The following ST6GALNAC1 variants were observed in gnomAD, a reference collection of about 807,000 sequenced individuals.
ST6GALNAC1 encodes ST6 N-acetylgalactosaminide alpha-2,6-sialyltransferase 1, also known as alpha-N-acetylgalactosaminide alpha-2,6-sialyltransferase 1.
A neutral mutation model predicts 56.8 loss-of-function variants in ST6GALNAC1; 45 were observed. That is an observed-to-expected ratio of 0.79 (90% confidence interval 0.62 to 1.02). The LOEUF (loss-of-function observed/expected upper bound fraction) is 1.02. Ranked by LOEUF, ST6GALNAC1 falls within the 50% of genes least tolerant of loss-of-function variation. ST6GALNAC1 has a pLI of 0.00. For synonymous variants in ST6GALNAC1, 295 were observed against 297.8 expected (o/e 0.99, Z 0.10); for missense variants, 743 against 754.8 (o/e 0.98, Z 0.18).
intron 1 of ST6GALNAC1, chr17:76,641,854 T>C (rs2076051741): frequency 6.6e-6 from 1 of 152,154 alleles, no homozygotes; most frequent in Non-Finnish European, 1.5e-5. Context: ...TGGACCTGTA[T>C]GTCCCGACAT....
intron 1 of ST6GALNAC1, among the ~76,000 whole-genome samples, chr17:76,642,922 C>CAA (rs59053510): frequency 0.02 from 1,743 of 87,094 alleles, 78 homozygotes; most frequent in African/African-American, 0.075. Context: ...GACTCCGTCT[C>CAA]AAAAAAAAAA....
chr17:76,617,473 C>T, the ST6GALNAC1 span, among the ~76,000 whole-genome samples: 1 of 152,132 alleles, frequency 6.6e-6, no homozygotes, highest in Middle Eastern at 3.2e-3. Context: ...ATTCAAGGCA[C>T]TGTGGGCCAC....
In ST6GALNAC1 at chr17:76,625,704, C is replaced by T. The variant is rs1294489061; in HGVS notation, c.1605+115G>A. ...GCATGCACCCATACTCATGCCCACC[C>T]TCTTTCCCAGCAGATGTGGGCACCC... On this transcript the variant is annotated intron_variant, in intron 8 of 8. Coordinates refer to ENST00000156626, the MANE Select transcript of ST6GALNAC1 (RefSeq NM_018414.5). 8 of 1,163,050 alleles carry T rather than the reference C, an allele frequency of 6.9e-6. No homozygotes were observed. The Admixed American group carries it at 2.1e-4, about 31-fold the overall frequency. 72.0% of individuals were successfully genotyped at this position (1,163,050 alleles called of 1,614,324 possible).
rs2075813878 is a variant in ST6GALNAC1, at chr17:76,627,166, C to T, written c.1073G>A (p.Gly358Glu). 6.2e-7 allele frequency: 1 copy of T among 1,604,164 alleles called. No homozygotes were observed. The highest frequency in any genetic ancestry group is 1.3e-5 in the African/African-American group (1 of 74,616). The change falls in exon 4 of 9, where the codon GGG becomes GAG. Residue 358 changes from glycine (G) to glutamate (E), a missense_variant. Coordinates refer to ENST00000156626, the MANE Select transcript of ST6GALNAC1 (RefSeq NM_018414.5). This position sits in a 1 kb window ranked among gnomAD's most constrained non-coding sequence, Gnocchi z 4.4. ...GGCACAGGTGATGCACCGGAGGCTC[C>T]CAGCGGGGAGGCTGGCCAGGAGCAG... ...QQLLLASLPA[G>E]SLRCITCAVV...
chr17:76,634,424 C>A (rs2075947935), intron 1 of ST6GALNAC1, among the ~76,000 whole-genome samples: 1 of 152,164 alleles, frequency 6.6e-6, no homozygotes, highest in African/African-American at 2.4e-5. Context: ...ACTGCTCCTG[C>A]CTCCTGTGCC....
chr17:76,639,638 A>AACACACAC lies in ST6GALNAC1; in HGVS notation c.131+3862_131+3869dup, dbSNP rs55706272. ...CACAAATTCATATAATTACATGATA[A>AACACACAC]ACACACACACACACACACACACACA... is the stretch of plus-strand genomic sequence containing the variant. On this transcript the variant is annotated intron_variant, in intron 1 of 8. Coordinates refer to ENST00000156626, the MANE Select transcript of ST6GALNAC1 (RefSeq NM_018414.5). Among the ~76,000 whole-genome samples the AACACACAC allele has an allele frequency of 5.0e-3, 623 of 125,202 alleles. 10 individuals are homozygous for AACACACAC. The highest frequency in any genetic ancestry group is 0.014 in the African/African-American group (420 of 30,794). The allele number at this position is 125,202 out of a possible 152,430, so 82.1% of individuals were successfully genotyped here.
rs2075825280 is a variant in ST6GALNAC1, at chr17:76,627,689, G to A, written c.832-106C>T. 3.0e-6 allele frequency: 3 copies of A among 1,015,982 alleles called. No individual in the cohort carries two copies. The South Asian group carries it at 4.6e-5, about 15-fold the overall frequency. 62.9% of individuals were successfully genotyped at this position (1,015,982 alleles called of 1,614,324 possible). ...TGGGGCTCGCAGTTTGGAAGGCGCG[G>A]CCTCTGCTACCTCTTCCATTCTGTT... is the stretch of plus-strand genomic sequence containing the variant. On this transcript the variant is annotated intron_variant, in intron 2 of 8. Transcript: ENST00000156626. The surrounding 1 kb of genome is among the most constrained non-coding windows in gnomAD (Gnocchi z 4.4).
rs761191820 is a variant in ST6GALNAC1, at chr17:76,627,470, CCACT to C, written c.941_944del (p.Glu314GlyfsTer25). 3.3e-5 allele frequency: 54 copies of C among 1,614,042 alleles called. No homozygotes were observed. Among genetic ancestry groups the C allele is most frequent in the Non-Finnish European group, 4.1e-5 (48 of 1,180,040 alleles). On this transcript the variant is annotated frameshift_variant, in exon 3 of 9. Transcript: ENST00000156626. LOFTEE classifies it high-confidence loss of function. This position sits in a 1 kb window ranked among gnomAD's most constrained non-coding sequence, Gnocchi z 4.4. Reference sequence around the variant, plus strand: ...GTGGTGCAAAGTGTTCCAGGCGGTCCCACTCACTCTGGTTGAAGTGTCTGGAGTC... The same window carrying C: ...GTGGTGCAAAGTGTTCCAGGCGGTCCCACTCTGGTTGAAGTGTCTGGAGTC...
At chr17:76,628,366 A>G (rs1025338426) in intron 2 of ST6GALNAC1, among the ~76,000 whole-genome samples, 12 of 150,118 alleles carry the variant, frequency 8.0e-5, no homozygotes, top group Admixed American at 1.3e-4. Flanking sequence ...ATCATAGCTC[A>G]CTTTAACCTC....
In ST6GALNAC1 at chr17:76,626,974, A is replaced by G. The variant is rs1019337889; in HGVS notation, c.1172+93T>C. 8 of 1,268,430 alleles carry G rather than the reference A, an allele frequency of 6.3e-6. 1 individual carries two copies. The highest frequency in any genetic ancestry group is 2.8e-5 in the South Asian group (2 of 71,882). The allele number at this position is 1,268,430 out of a possible 1,614,324, so 78.6% of individuals were successfully genotyped here. The stretch of plus-strand genomic sequence containing the variant: ...TCCTATGGGTCTCTCAGAAGAGTCC[A>G]TGTCTGCAGAAGAGGGGCAAGAGAG... On this transcript the variant is annotated intron_variant, in intron 4 of 8. Transcript: ENST00000156626.
chr17:76,634,349 C>A (rs1446777416), intron 1 of ST6GALNAC1, among the ~76,000 whole-genome samples: 2 of 152,120 alleles, frequency 1.3e-5, no homozygotes, highest in African/African-American at 4.8e-5. Context: ...GAAAGGAGGA[C>A]AAACTAACAC....
chr17:76,641,950 CGT>C (rs2076053044), intron 1 of ST6GALNAC1: 1 of 150,106 alleles, frequency 6.7e-6, no homozygotes. Context: ...TGTATATATA[CGT>C]ATATATGAGA....
chr17:76,640,147 T>G (rs1416472136), intron 1 of ST6GALNAC1, among the ~76,000 whole-genome samples: 1 of 152,128 alleles, frequency 6.6e-6, no homozygotes, highest in Non-Finnish European at 1.5e-5. Flanking sequence ...CAAACACTGT[T>G]CTGGAGTGAG....
downstream of ST6GALNAC1, among the ~76,000 whole-genome samples, chr17:76,622,041 C>T (rs977966867): frequency 6.7e-6 from 1 of 150,330 alleles, no homozygotes; most frequent in Non-Finnish European, 1.5e-5. Context: ...TCTAGTGATC[C>T]TCCTGCCTCA....
chr17:76,642,279 T>C (rs1264592420), intron 1 of ST6GALNAC1, among the ~76,000 whole-genome samples: 2 of 149,542 alleles, frequency 1.3e-5, no homozygotes, highest in Admixed American at 6.6e-5. Context: ...ATAAAGGTAA[T>C]GAGCACAGGG....
Position 76,629,086 on chromosome 17 carries a change from C to A in ST6GALNAC1, c.757G>T (p.Ala253Ser), listed in dbSNP as rs761987978. ...CGAGGCTCAGATTTGAAGTTGGCGG[C>A]CTTCAGTCTTTGGTTTCTCTGCGTC... Reference protein sequence around the residue: ...PTTQRNQRLKAANFKSEPRWD... With the variant: ...PTTQRNQRLKSANFKSEPRWD... The change falls in exon 2 of 9, where the codon GCC becomes TCC. Residue 253 changes from alanine to serine, a missense_variant. By Grantham distance (99) the Ala-to-Ser change is moderately conservative (BLOSUM62 1). Transcript: ENST00000156626. The A allele has an allele frequency of 3.5e-5, 56 of 1,584,316 alleles. No individual in the cohort carries two copies. Among genetic ancestry groups the A allele is most frequent in the Non-Finnish European group, 4.3e-5 (50 of 1,163,974 alleles).
intron 1 of ST6GALNAC1, among the ~76,000 whole-genome samples, chr17:76,634,267 C>T (rs2075946105): frequency 6.6e-6 from 1 of 152,128 alleles, no homozygotes; most frequent in Non-Finnish European, 1.5e-5. Flanking sequence ...TATCTCAGGC[C>T]CCCTGGCTGG....
At chr17:76,640,006 A>C (rs2076028443) in intron 1 of ST6GALNAC1, among the ~76,000 whole-genome samples, 1 of 151,718 alleles carries the variant, frequency 6.6e-6, no homozygotes, top group African/African-American at 2.4e-5. Flanking sequence ...GCCCCTGCTG[A>C]CTTGGTGGTC....
intron 2 of ST6GALNAC1, among the ~76,000 whole-genome samples, chr17:76,628,322 C>T (rs550352038): frequency 2.1e-5 from 3 of 143,030 alleles, no homozygotes; most frequent in African/African-American, 7.7e-5. Flanking sequence ...GACAGGGTCT[C>T]ACTCTGTTGC....
Sources: allele counts gnomAD v4.1 joint callset (sites outside exome capture counted in the v4.1 genomes callset), GRCh38; gene constraint gnomAD v4.1.1; non-coding constraint Gnocchi (gnomAD v3.1); transcripts MANE v1.5; gene names NCBI Gene and HGNC (gene_info 2026-07-23, HGNC 2026-07-21).